The following CHRM3 variants were observed in gnomAD, a reference collection of about 807,000 sequenced individuals.
The protein encoded by CHRM3 is muscarinic acetylcholine receptor M3.
Under a neutral mutation model 41.8 loss-of-function variants are expected in CHRM3, and 11 were observed. The ratio of observed to expected loss-of-function variants is 0.26; its 90% CI spans 0.17 to 0.44. CHRM3 has a LOEUF of 0.44. Ranked by LOEUF, CHRM3 falls within the 20% of genes least tolerant of loss-of-function variation. The pLI, the probability that CHRM3 is intolerant of heterozygous loss-of-function variation, is 1.00. For synonymous variants in CHRM3, 297 were observed against 301.4 expected, an observed-to-expected ratio of 0.99 and a Z score of 0.15; for missense variants, 571 against 745.4, an observed-to-expected ratio of 0.77 and a Z score of 2.72.
rs145415573 is a variant in CHRM3 at position 239,560,175 on chromosome 1, T to C, written c.-313+14426T>C. 2.7e-3 allele frequency among the ~76,000 whole-genome samples: 404 copies of C among 152,318 alleles called. 2 individuals carry two copies. The highest frequency in any genetic ancestry group is 8.9e-3 in the African/African-American group (372 of 41,576). ...ATTTAGGCAAATTAATTAGAAAATA[T>C]ATCAATACTTTCAGATTCTCAGTAA... is the stretch of plus-strand genomic sequence containing the variant. On this transcript the variant is annotated intron_variant, in intron 3 of 6. Coordinates refer to ENST00000676153, the MANE Select transcript of CHRM3 (RefSeq NM_001375978.1).
At chr1:239,794,518 G>A (rs1436623034) in intron 5 of CHRM3, among the ~76,000 whole-genome samples, 2 of 151,418 alleles carry the variant, frequency 1.3e-5, no homozygotes, top group African/African-American at 4.9e-5. Context: ...AGAGCAAGAT[G>A]AATGGTAACC....
intron 1 of CHRM3, among the ~76,000 whole-genome samples, chr1:239,404,243 C>G (rs373305047): frequency 1.4e-5 from 2 of 147,136 alleles, no homozygotes; most frequent in African/African-American, 5.0e-5. Flanking sequence ...GAGCCGAGAT[C>G]GCACCACTGC....
intron 5 of CHRM3, among the ~76,000 whole-genome samples, chr1:239,757,467 A>G (rs558307853): frequency 2.6e-5 from 4 of 152,008 alleles, no homozygotes; most frequent in African/African-American, 9.7e-5. Context: ...CGTCTCTACT[A>G]AAAATACAAA....
chr1:239,895,110 T>C (rs548755347), intron 6 of CHRM3, among the ~76,000 whole-genome samples: 1 of 152,360 alleles, frequency 6.6e-6, no homozygotes, highest in South Asian at 2.1e-4. Context: ...TTTGAAGAGA[T>C]GATGTGTTTA....
chr1:239,589,457 A>G (rs905227760), intron 3 of CHRM3, among the ~76,000 whole-genome samples: 4 of 151,106 alleles, frequency 2.6e-5, no homozygotes, highest in African/African-American at 9.7e-5. Flanking sequence ...ATTACATAAA[A>G]CTATGTGTAT....
chr1:239,445,149 T>A (rs1335611032), intron 1 of CHRM3, among the ~76,000 whole-genome samples: 1 of 152,192 alleles, frequency 6.6e-6, no homozygotes, highest in African/African-American at 2.4e-5. Context: ...TACTTTGTTG[T>A]CTTCCAAATT....
chr1:239,575,806 A>G (rs918757863), intron 3 of CHRM3, among the ~76,000 whole-genome samples: 1 of 151,872 alleles, frequency 6.6e-6, no homozygotes, highest in Admixed American at 6.6e-5. Flanking sequence ...TAAAAAAAAA[A>G]CACGTAAAAC....
At chr1:239,903,898 C>T (rs888456709) in intron 6 of CHRM3, among the ~76,000 whole-genome samples, 1 of 152,078 alleles carries the variant, frequency 6.6e-6, no homozygotes, top group African/African-American at 2.4e-5. Context: ...GATGCCTGTC[C>T]CAAACTACAT....
chr1:239,745,281 G>A (rs1272161423), intron 5 of CHRM3, among the ~76,000 whole-genome samples: 1 of 152,006 alleles, frequency 6.6e-6, no homozygotes, highest in Admixed American at 6.6e-5. Flanking sequence ...AAAAACTTAA[G>A]TCATATACAT....
intron 5 of CHRM3, among the ~76,000 whole-genome samples, chr1:239,735,143 T>C (rs1664291628): frequency 6.6e-6 from 1 of 152,134 alleles, no homozygotes; most frequent in African/African-American, 2.4e-5. Context: ...TAACCTGAGG[T>C]TAACATCTCT....
intron 1 of CHRM3, among the ~76,000 whole-genome samples, chr1:239,430,317 C>T (rs535593950): frequency 5.2e-4 from 79 of 152,108 alleles, no homozygotes; most frequent in African/African-American, 1.7e-3. Flanking sequence ...GGTGAAATAT[C>T]GAACTTTACA....
At chr1:239,593,787 G>T (rs916010716) in intron 3 of CHRM3, among the ~76,000 whole-genome samples, 6 of 152,118 alleles carry the variant, frequency 3.9e-5, no homozygotes, top group Non-Finnish European at 7.4e-5. Flanking sequence ...TTGTTCAAGA[G>T]CAATTCTTAG....
chr1:239,395,426 G>A (rs1433219913), intron 1 of CHRM3, among the ~76,000 whole-genome samples: 1 of 152,034 alleles, frequency 6.6e-6, no homozygotes, highest in African/African-American at 2.4e-5. Context: ...CAGCTCAAAT[G>A]TTATGAATAA....
rs1402665668 is a variant in CHRM3, at chr1:239,466,616, A to T, written c.-520-26093A>T. Among the ~76,000 whole-genome samples the T allele has an allele frequency of 4.6e-5, 7 of 151,878 alleles. No homozygotes were observed. In the East Asian group the frequency reaches 1.4e-3, roughly 29 times the overall value. On this transcript the variant is annotated intron_variant, in intron 1 of 6. Coordinates refer to ENST00000676153, the MANE Select transcript of CHRM3 (RefSeq NM_001375978.1). ...AAAGAAGTATTCTTAATTTTCAATTATTATGTATTATAATATTATAATAAT... is the reference window on the plus strand; with the variant it reads ...AAAGAAGTATTCTTAATTTTCAATTTTTATGTATTATAATATTATAATAAT...
At chr1:239,430,674 G>GAT (rs10524306) in intron 1 of CHRM3, among the ~76,000 whole-genome samples, 93 of 149,764 alleles carry the variant, frequency 6.2e-4, no homozygotes, top group African/African-American at 1.7e-3. Context: ...ACACATACTA[G>GAT]ATATATATAT....
chr1:239,751,741 G>A (rs1665848263), intron 5 of CHRM3, among the ~76,000 whole-genome samples: 1 of 152,228 alleles, frequency 6.6e-6, no homozygotes, highest in East Asian at 1.9e-4. Flanking sequence ...TATTCAAGGA[G>A]CCTCAATTTT....
chr1:239,516,752 C>A (rs764684917), intron 2 of CHRM3, among the ~76,000 whole-genome samples: 3 of 152,214 alleles, frequency 2.0e-5, no homozygotes, highest in Non-Finnish European at 4.4e-5. Flanking sequence ...GAGTGGCAGT[C>A]CAGCGAGCGA....
intron 6 of CHRM3, among the ~76,000 whole-genome samples, chr1:239,845,349 T>TGGTTTG (rs1191551210): frequency 1.3e-5 from 2 of 152,172 alleles, no homozygotes; most frequent in African/African-American, 4.8e-5. Context: ...ATTTTTGTTT[T>TGGTTTG]GGTTTGGGTT....
chr1:239,422,186 A>G (rs936536888), intron 1 of CHRM3, among the ~76,000 whole-genome samples: 1 of 152,198 alleles, frequency 6.6e-6, no homozygotes, highest in African/African-American at 2.4e-5. Context: ...CAATAATACT[A>G]CCATAAAGAA....
Sources: allele counts gnomAD v4.1 joint callset (sites outside exome capture counted in the v4.1 genomes callset), GRCh38; gene constraint gnomAD v4.1.1; transcripts MANE v1.5; gene names NCBI Gene and HGNC (gene_info 2026-07-23, HGNC 2026-07-21).